Variants in PRLR observed in about 807,000 individuals in gnomAD.
PRLR encodes the protein prolactin receptor, also known as hPRL receptor.
Under a neutral mutation model 40.2 loss-of-function variants are expected in PRLR, and 13 were observed. The ratio of observed to expected loss-of-function variants is 0.32; its 90% CI spans 0.21 to 0.51. The LOEUF (loss-of-function observed/expected upper bound fraction) is 0.51, where lower values mean the gene tolerates loss of function less well. Ranked by LOEUF, PRLR falls within the 20% of genes least tolerant of loss-of-function variation. PRLR has a pLI of 0.97. For missense variants in PRLR, 656 were observed against 747.3 expected, an observed-to-expected ratio of 0.88 and a Z score of 1.42; for synonymous variants, 269 against 278.7, an observed-to-expected ratio of 0.97 and a Z score of 0.35.
intron 1 of PRLR, among the ~76,000 whole-genome samples, chr5:35,154,827 G>A (rs368164658): frequency 9.1e-4 from 138 of 152,268 alleles, no homozygotes; most frequent in African/African-American, 3.2e-3. Flanking sequence ...ACGAGATCAT[G>A]TCTTCTTCAG....
chr5:35,215,876 A>G lies in PRLR; in HGVS notation c.-106+14392T>C, dbSNP rs982676264. Among the ~76,000 whole-genome samples the G allele has an allele frequency of 3.4e-3, 518 of 150,376 alleles. 1 individual carries two copies. Among genetic ancestry groups the G allele is most frequent in the Admixed American group, 4.2e-3 (64 of 15,078 alleles). ...AAATCCTGTCTCTACTAAAAAAAAAAAAAAAAAAAAAAAAATTAGCTGGGC... is the reference window on the plus strand; with the variant it reads ...AAATCCTGTCTCTACTAAAAAAAAAGAAAAAAAAAAAAAAATTAGCTGGGC... On this transcript the variant is annotated intron_variant, in intron 1 of 9. Coordinates refer to ENST00000618457, the MANE Select transcript of PRLR (RefSeq NM_000949.7).
At chr5:35,190,637 T>A (rs1775575675) in intron 1 of PRLR, among the ~76,000 whole-genome samples, 2 of 152,134 alleles carry the variant, frequency 1.3e-5, no homozygotes, top group African/African-American at 4.8e-5. Flanking sequence ...AAGTTCTGCT[T>A]TGGCCTAAGC....
At chr5:35,111,628 T>A (rs1285578217) in intron 2 of PRLR, among the ~76,000 whole-genome samples, 1 of 152,182 alleles carries the variant, frequency 6.6e-6, no homozygotes, top group Non-Finnish European at 1.5e-5. Flanking sequence ...GGGGAAGAGA[T>A]CTAAATATCA....
Position 35,059,656 on chromosome 5 carries a change from A to T in PRLR, c.*5433T>A, listed in dbSNP as rs1056536367. 3 of 152,142 alleles carry T rather than the reference A, an allele frequency of 2.0e-5. No individual in the cohort carries two copies. The highest frequency in any genetic ancestry group is 7.2e-5 in the African/African-American group (3 of 41,428). 9.4% of individuals were successfully genotyped at this position (152,142 alleles called of 1,614,324 possible). On this transcript the variant is annotated 3_prime_UTR_variant, in exon 10 of 10. Coordinates refer to ENST00000618457, the MANE Select transcript of PRLR (RefSeq NM_000949.7). Reference sequence around the variant, plus strand: ...GGGTGCCATGAGGGTCCCAGACCAAAACTCACCATCCTGAAAAACAAAAGT... The same window carrying T: ...GGGTGCCATGAGGGTCCCAGACCAATACTCACCATCCTGAAAAACAAAAGT...
chr5:35,225,450 G>A (rs35961039), intron 1 of PRLR, among the ~76,000 whole-genome samples: 11,661 of 152,218 alleles, frequency 0.077, 596 homozygotes, highest in Non-Finnish European at 0.11. Flanking sequence ...AAGAAGTCAC[G>A]TTTGGAAGAA....
At chr5:35,121,693 C>A (rs996979811) in intron 1 of PRLR, among the ~76,000 whole-genome samples, 3 of 152,182 alleles carry the variant, frequency 2.0e-5, no homozygotes, top group Admixed American at 1.3e-4. Context: ...TCCCCAAAAT[C>A]TATGAGGTAG....
In PRLR at chr5:35,060,629, T is replaced by G. The variant is rs392279; in HGVS notation, c.*4460A>C. The G allele has an allele frequency of 6.6e-6, 1 of 152,084 alleles. No individual in the cohort carries two copies. The highest frequency in any genetic ancestry group is 2.4e-5 in the African/African-American group (1 of 41,368). 9.4% of individuals were successfully genotyped at this position (152,084 alleles called of 1,614,324 possible). ...TGCCTACTTAGTCGTGGTGATGTGA[T>G]TTAGTCTTGGACATTGAGTGCTCAG... is the stretch of plus-strand genomic sequence containing the variant. On this transcript the variant is annotated 3_prime_UTR_variant, in exon 10 of 10. Transcript: ENST00000618457.
In PRLR at chr5:35,065,033, G is replaced by C. The variant is rs116062848; in HGVS notation, c.*56C>G. 6.5e-7 allele frequency: 1 copy of C among 1,541,448 alleles called. No homozygotes were observed. Among genetic ancestry groups the C allele is most frequent in the African/African-American group, 1.4e-5 (1 of 73,432 alleles). ...CATTCTTGAGCATTTCACGTACTCT[G>C]TAGTGTTACCTGAAGAAAAATCACA... On this transcript the variant is annotated 3_prime_UTR_variant, in exon 10 of 10. Transcript: ENST00000618457.
chr5:35,072,440 A>G (rs1467528399), intron 6 of PRLR, 135 bp downstream of exon 6: 1 of 986,476 alleles, frequency 1.0e-6, no homozygotes, highest in African/African-American at 1.6e-5. Flanking sequence ...GGCTTTTCAC[A>G]TCTGGGTGGG....
intron 1 of PRLR, among the ~76,000 whole-genome samples, chr5:35,148,564 C>T (rs1027447630): frequency 6.6e-6 from 1 of 152,122 alleles, no homozygotes; most frequent in Non-Finnish European, 1.5e-5. Context: ...GACAAACTTT[C>T]ATTTTAGAAG....
intron 5 of PRLR, among the ~76,000 whole-genome samples, chr5:35,080,627 A>C (rs1770446012): frequency 6.6e-6 from 1 of 152,196 alleles, no homozygotes; most frequent in Admixed American, 6.5e-5. Context: ...TGTGGAAGTC[A>C]GTGTGGCGAT....
chr5:35,171,504 G>A (rs899088852), intron 1 of PRLR, among the ~76,000 whole-genome samples: 1 of 152,172 alleles, frequency 6.6e-6, no homozygotes, highest in Non-Finnish European at 1.5e-5. Context: ...TAGCAACTGG[G>A]CTGTTTTGGG....
intron 8 of PRLR, among the ~76,000 whole-genome samples, chr5:35,049,645 A>G (rs188903512): frequency 2.5e-4 from 38 of 152,322 alleles, no homozygotes; most frequent in African/African-American, 8.4e-4. Context: ...ACATGTGTCT[A>G]TCTGTGTATA....
intron 2 of PRLR, among the ~76,000 whole-genome samples, chr5:35,090,420 A>T (rs534954759): frequency 6.6e-6 from 1 of 152,296 alleles, no homozygotes; most frequent in East Asian, 1.9e-4. Context: ...AAGCCTCTAA[A>T]TGGCCTTGTA....
chr5:35,083,228 C>G (rs1770630322), intron 5 of PRLR, among the ~76,000 whole-genome samples: 1 of 152,096 alleles, frequency 6.6e-6, no homozygotes, highest in Admixed American at 6.6e-5. Flanking sequence ...ATGGGGCTCT[C>G]CAGAACATTG....
At chr5:35,183,690 G>T (rs1775351709) in intron 1 of PRLR, among the ~76,000 whole-genome samples, 1 of 152,176 alleles carries the variant, frequency 6.6e-6, no homozygotes, top group Admixed American at 6.5e-5. Flanking sequence ...GGGTCACAGA[G>T]CTCCAGTGAA....
chr5:35,126,945 C>T (rs551863033), intron 1 of PRLR, among the ~76,000 whole-genome samples: 1 of 152,256 alleles, frequency 6.6e-6, no homozygotes, highest in South Asian at 2.1e-4. Flanking sequence ...TAGGAGATGG[C>T]CATGCCAGGA....
chr5:35,131,670 C>T (rs1003116989), intron 1 of PRLR, among the ~76,000 whole-genome samples: 1 of 151,944 alleles, frequency 6.6e-6, no homozygotes, highest in African/African-American at 2.4e-5. Context: ...GGGATGGCCA[C>T]TTCCAATTCC....
chr5:35,163,592 G>A (rs1774738766), intron 1 of PRLR, among the ~76,000 whole-genome samples: 1 of 152,196 alleles, frequency 6.6e-6, no homozygotes, highest in Non-Finnish European at 1.5e-5. Flanking sequence ...TATCAGAGTG[G>A]AATTTGCAAG....
Sources: allele counts gnomAD v4.1 joint callset (sites outside exome capture counted in the v4.1 genomes callset), GRCh38; gene constraint gnomAD v4.1.1; transcripts MANE v1.5; gene names NCBI Gene and HGNC (gene_info 2026-07-23, HGNC 2026-07-21).